The following ADAMTS17 variants were observed in gnomAD, a reference collection of about 807,000 sequenced individuals.
The protein encoded by ADAMTS17 is ADAM metallopeptidase with thrombospondin type 1 motif 17.
Under a neutral mutation model 141.5 loss-of-function variants are expected in ADAMTS17, and 113 were observed. The observed-to-expected ratio is 0.80, with a 90% CI of 0.69 to 0.93. The LOEUF (loss-of-function observed/expected upper bound fraction) is 0.93. Among genes scored for constraint, ADAMTS17 ranks in the 40% least tolerant of loss-of-function variants. The probability of loss-of-function intolerance (pLI) is 0.00; values close to 1 mark genes in which losing one functional copy is unlikely to be tolerated. For missense variants in ADAMTS17, 1,659 were observed against 1,517.9 expected (o/e 1.09, Z -1.54); for synonymous variants, 768 against 630.6 (o/e 1.22, Z -3.27).
chr15:99,998,006 T>C (rs1180696191), intron 18 of ADAMTS17, among the ~76,000 whole-genome samples: 4 of 152,178 alleles, frequency 2.6e-5, no homozygotes, highest in Non-Finnish European at 5.9e-5. Context: ...TCTTACCCTC[T>C]GCTGGGAGAA....
chr15:99,982,150 G>A (rs141225098), intron 20 of ADAMTS17, among the ~76,000 whole-genome samples: 162 of 152,370 alleles, frequency 1.1e-3, no homozygotes, highest in African/African-American at 3.8e-3. Flanking sequence ...GAGCCTAGCC[G>A]GGGGTCTCAG....
chr15:100,124,032 C>T (rs996610328), intron 12 of ADAMTS17, among the ~76,000 whole-genome samples: 2 of 151,032 alleles, frequency 1.3e-5, no homozygotes, highest in Admixed American at 6.6e-5. Context: ...GGTAAGATCT[C>T]GGCTCACTAT....
chr15:100,234,068 G>A (rs1335427064), intron 7 of ADAMTS17, among the ~76,000 whole-genome samples: 2 of 152,164 alleles, frequency 1.3e-5, no homozygotes, highest in Admixed American at 1.3e-4. Context: ...AGGAAGCTCC[G>A]TGGCAGGGAG....
intron 8 of ADAMTS17, among the ~76,000 whole-genome samples, chr15:100,196,797 C>G (rs1482900659): frequency 6.6e-6 from 1 of 152,158 alleles, no homozygotes; most frequent in African/African-American, 2.4e-5. Flanking sequence ...CAACCACAGC[C>G]CAGCAACCAG....
intron 14 of ADAMTS17, among the ~76,000 whole-genome samples, chr15:100,099,570 T>C (rs922387249): frequency 6.6e-6 from 1 of 152,206 alleles, no homozygotes; most frequent in Non-Finnish European, 1.5e-5. Flanking sequence ...TGGTGATCCT[T>C]AGTTACTTTC....
intron 7 of ADAMTS17, among the ~76,000 whole-genome samples, chr15:100,206,197 T>TGGCTACC (rs2041550524): frequency 6.6e-6 from 1 of 152,206 alleles, no homozygotes. Flanking sequence ...ATGTACTCCC[T>TGGCTACC]GGCTACCAGA....
intron 2 of ADAMTS17, among the ~76,000 whole-genome samples, chr15:100,331,659 TCTC>T (rs2046057604): frequency 6.6e-6 from 1 of 152,066 alleles, no homozygotes; most frequent in African/African-American, 2.4e-5. Flanking sequence ...AACATCCCCT[TCTC>T]CTGGGAACAA....
At chr15:100,314,235 T>C (rs183008568) in intron 3 of ADAMTS17, among the ~76,000 whole-genome samples, 28 of 152,328 alleles carry the variant, frequency 1.8e-4, no homozygotes, top group South Asian at 6.2e-4. Context: ...AAATGCAATA[T>C]GTGAGTCTAG....
At chr15:100,048,589 ATTTTTTTTTTTT>A (rs3062438) in intron 18 of ADAMTS17, among the ~76,000 whole-genome samples, 25 of 92,362 alleles carry the variant, frequency 2.7e-4, no homozygotes, top group African/African-American at 6.8e-4. Context: ...GGTGATGGCC[ATTTTTTTTTTTT>A]TTTTTTTTTT....
chr15:100,225,385 TC>T (rs1452065414), intron 7 of ADAMTS17, among the ~76,000 whole-genome samples: 3 of 152,228 alleles, frequency 2.0e-5, no homozygotes, highest in Non-Finnish European at 4.4e-5. Context: ...TGGGGGAGCT[TC>T]CCCGATGGTT....
intron 12 of ADAMTS17, among the ~76,000 whole-genome samples, chr15:100,131,147 C>G (rs1429670588): frequency 6.6e-6 from 1 of 151,740 alleles, no homozygotes; most frequent in Non-Finnish European, 1.5e-5. Context: ...TGTTCTCACT[C>G]AGAAATGGGA....
In ADAMTS17 at chr15:100,253,187, G is replaced by A. The variant is rs541815660; in HGVS notation, c.1075+949C>T. ...TCAGCCTCCCGATGAACAAAGGTTC[G>A]CGTTATGGCAGGGAAAACTGGAAAC... On this transcript the variant is annotated intron_variant, in intron 7 of 21. Coordinates refer to ENST00000268070, the MANE Select transcript of ADAMTS17 (RefSeq NM_139057.4). 1.9e-3 allele frequency among the ~76,000 whole-genome samples: 289 copies of A among 151,492 alleles called. 1 individual carries two copies. Among genetic ancestry groups the A allele is most frequent in the Middle Eastern group, 6.8e-3 (2 of 294 alleles).
At chr15:100,122,664 A>G (rs1193811479) in intron 12 of ADAMTS17, among the ~76,000 whole-genome samples, 3 of 152,242 alleles carry the variant, frequency 2.0e-5, no homozygotes, top group Non-Finnish European at 4.4e-5. Context: ...TTTGTAGGTT[A>G]TATGTGTTTT....
rs2141252464 is a variant in ADAMTS17, at chr15:99,973,898, A to T, written c.*504T>A. 1 of 218,496 alleles carries T rather than the reference A, an allele frequency of 4.6e-6. No homozygotes were observed. The highest frequency in any genetic ancestry group is 1.2e-4 in the East Asian group (1 of 8,428). The allele number at this position is 218,496 out of a possible 1,614,324, so 13.5% of individuals were successfully genotyped here. ...GTGGTCAAGAAGGTAGATGGAGAGA[A>T]ACGTGTGCTAAGCAGCCCGGCCCTC... On this transcript the variant is annotated 3_prime_UTR_variant, in exon 22 of 22. Transcript: ENST00000268070.
intron 3 of ADAMTS17, among the ~76,000 whole-genome samples, chr15:100,288,529 T>C (rs534488038): frequency 1.3e-5 from 2 of 152,242 alleles, no homozygotes; most frequent in Non-Finnish European, 2.9e-5. Context: ...AACAGACAAC[T>C]ACAAAACTCT....
chr15:100,234,673 G>T (rs1260440106), intron 7 of ADAMTS17, among the ~76,000 whole-genome samples: 1 of 152,150 alleles, frequency 6.6e-6, no homozygotes, highest in Non-Finnish European at 1.5e-5. Context: ...GTTTACCTTG[G>T]CATTCGCAGC....
At chr15:100,068,089 C>A (rs1464018249) in intron 15 of ADAMTS17, among the ~76,000 whole-genome samples, 1 of 152,156 alleles carries the variant, frequency 6.6e-6, no homozygotes, top group African/African-American at 2.4e-5. Context: ...TAGCAAACGG[C>A]ACGCCAGGAG....
At position 100,116,132 on chromosome 15, in the gene ADAMTS17, TAAAAAAAA is replaced by T. The variant is rs34003703; in HGVS notation, c.1888+707_1888+714del. On this transcript the variant is annotated intron_variant, in intron 13 of 21. Coordinates refer to ENST00000268070, the MANE Select transcript of ADAMTS17 (RefSeq NM_139057.4). ...TTTCCTAAAGAAGAACAGTTTTAGG[TAAAAAAAA>T]AAAAAAAAAAAAAAAAAACCCAACA... is the stretch of plus-strand genomic sequence containing the variant. 4.3e-3 allele frequency among the ~76,000 whole-genome samples: 367 copies of T among 84,786 alleles called. 5 individuals are homozygous for T. Among genetic ancestry groups the T allele is most frequent in the African/African-American group, 0.016 (348 of 21,294 alleles). 55.6% of individuals were successfully genotyped at this position (84,786 alleles called of 152,430 possible).
chr15:100,151,496 G>T (rs2039162826), intron 10 of ADAMTS17, among the ~76,000 whole-genome samples: 1 of 152,152 alleles, frequency 6.6e-6, no homozygotes, highest in South Asian at 2.1e-4. Flanking sequence ...GTGTGCTTTG[G>T]TGCTGCTCCC....
Sources: allele counts gnomAD v4.1 joint callset (sites outside exome capture counted in the v4.1 genomes callset), GRCh38; gene constraint gnomAD v4.1.1; transcripts MANE v1.5; gene names NCBI Gene and HGNC (gene_info 2026-07-23, HGNC 2026-07-21).